Variants in ASIC2 observed in about 807,000 individuals in gnomAD.
ASIC2 encodes acid-sensing ion channel 2.
ASIC2 carries 25 observed loss-of-function variants against 57.3 expected under a neutral mutation model. The ratio of observed to expected loss-of-function variants is 0.44; its 90% CI spans 0.32 to 0.61. The LOEUF (loss-of-function observed/expected upper bound fraction) is 0.61. ASIC2 is among the 20% of genes least tolerant of loss of function. The pLI, the probability that ASIC2 is intolerant of heterozygous loss-of-function variation, is 0.06. For synonymous variants in ASIC2, 319 were observed against 307.5 expected (o/e 1.04, Z -0.39); for missense variants, 641 against 738.1 (o/e 0.87, Z 1.52).
chr17:34,094,702 C>CA (rs1203154621), intron 1 of ASIC2, among the ~76,000 whole-genome samples: 1 of 152,212 alleles, frequency 6.6e-6, no homozygotes, highest in Admixed American at 6.5e-5. Context: ...GCCCATCTCA[C>CA]AGGAATTTCT....
intron 1 of ASIC2, among the ~76,000 whole-genome samples, chr17:33,227,707 A>G (rs556546112): frequency 6.6e-6 from 1 of 152,300 alleles, no homozygotes; most frequent in East Asian, 1.9e-4. Flanking sequence ...ACCTCATAGA[A>G]GCCACATAAA....
chr17:33,200,650 T>C (rs1452314411), intron 1 of ASIC2, among the ~76,000 whole-genome samples: 1 of 152,228 alleles, frequency 6.6e-6, no homozygotes, highest in Non-Finnish European at 1.5e-5. Context: ...AGATTCAGAA[T>C]ATGGCCCCTT....
chr17:33,226,556 C>A (rs1907887383), intron 1 of ASIC2, among the ~76,000 whole-genome samples: 1 of 152,164 alleles, frequency 6.6e-6, no homozygotes, highest in Non-Finnish European at 1.5e-5. Context: ...TTCTTGACCC[C>A]CCAGTCACTC....
chr17:34,085,588 G>A (rs1489324529), intron 1 of ASIC2, among the ~76,000 whole-genome samples: 2 of 152,110 alleles, frequency 1.3e-5, no homozygotes, highest in Non-Finnish European at 2.9e-5. Flanking sequence ...TTTTTCTATT[G>A]ATTGGAATAG....
At chr17:33,752,582 A>T (rs964674362) in intron 1 of ASIC2, among the ~76,000 whole-genome samples, 1 of 152,264 alleles carries the variant, frequency 6.6e-6, no homozygotes, top group Non-Finnish European at 1.5e-5. Flanking sequence ...CGAAGAAAAG[A>T]TATATGTATT....
intron 1 of ASIC2, among the ~76,000 whole-genome samples, chr17:33,513,773 C>T (rs1344311507): frequency 1.3e-5 from 2 of 152,242 alleles, no homozygotes; most frequent in African/African-American, 4.8e-5. Flanking sequence ...CACTTGGCTC[C>T]TGTCCTTGCC....
At chr17:33,616,382 A>G (rs1479791640) in intron 1 of ASIC2, among the ~76,000 whole-genome samples, 1 of 152,224 alleles carries the variant, frequency 6.6e-6, no homozygotes, top group Non-Finnish European at 1.5e-5. Flanking sequence ...TATACGATAT[A>G]TGCATTCGTG....
intron 1 of ASIC2, among the ~76,000 whole-genome samples, chr17:33,369,387 AG>A (rs1371880061): frequency 6.6e-6 from 1 of 152,212 alleles, no homozygotes; most frequent in African/African-American, 2.4e-5. Context: ...GACAATGTCA[AG>A]TCCTTGCTCT....
rs1015323575 is a variant in ASIC2 at position 34,039,565 on chromosome 17, C to T, written c.555+116413G>A. 4.3e-6 allele frequency: 7 copies of T among 1,613,836 alleles called. No individual in the cohort carries two copies. The East Asian group carries it at 1.6e-4, about 36-fold the overall frequency. ...TGAGGATCGTGCAACTGGTGGAACA[C>T]TTCTGCCAGGGCTGGTTCCCGGCCC... On this transcript the variant is annotated intron_variant, in intron 1 of 9. Transcript: ENST00000359872.
chr17:33,237,504 C>T (rs758762084), intron 1 of ASIC2, among the ~76,000 whole-genome samples: 2 of 152,154 alleles, frequency 1.3e-5, no homozygotes, highest in Non-Finnish European at 2.9e-5. Context: ...GCATACACCA[C>T]AACACTCAGG....
chr17:33,752,734 TACA>T (rs1216383710), intron 1 of ASIC2, among the ~76,000 whole-genome samples: 1 of 152,142 alleles, frequency 6.6e-6, no homozygotes, highest in Non-Finnish European at 1.5e-5. Flanking sequence ...AACTGCAACT[TACA>T]ACAAGAGTGA....
intron 1 of ASIC2, among the ~76,000 whole-genome samples, chr17:33,789,457 A>C (rs1597876833): frequency 8.8e-6 from 1 of 113,252 alleles, no homozygotes; most frequent in Non-Finnish European, 1.9e-5. Flanking sequence ...TTAGCAGAGA[A>C]TCATGGTCAC....
At chr17:33,213,598 G>A (rs1481955876) in intron 1 of ASIC2, among the ~76,000 whole-genome samples, 1 of 152,184 alleles carries the variant, frequency 6.6e-6, no homozygotes, top group Admixed American at 6.5e-5. Flanking sequence ...TGTTACCATC[G>A]TCCTGCGGTC....
intron 1 of ASIC2, among the ~76,000 whole-genome samples, chr17:33,318,359 C>A (rs1444473010): frequency 6.6e-6 from 1 of 152,112 alleles, no homozygotes; most frequent in African/African-American, 2.4e-5. Flanking sequence ...CCTGTCTTAC[C>A]ATGGAACTGA....
chr17:33,026,203 G>A (rs1038968469), intron 4 of ASIC2, among the ~76,000 whole-genome samples: 2 of 152,182 alleles, frequency 1.3e-5, no homozygotes, highest in African/African-American at 2.4e-5. Flanking sequence ...TGTTCACCTC[G>A]TTGAGCAGGA....
At chr17:33,970,825 T>G (rs1395243631) in intron 1 of ASIC2, among the ~76,000 whole-genome samples, 2 of 151,862 alleles carry the variant, frequency 1.3e-5, no homozygotes, top group Non-Finnish European at 2.9e-5. Context: ...TGGTGAAAGG[T>G]GGGGGTGAAG....
At chr17:33,186,318 C>G (rs1398582517) in intron 1 of ASIC2, among the ~76,000 whole-genome samples, 1 of 152,082 alleles carries the variant, frequency 6.6e-6, no homozygotes, top group Non-Finnish European at 1.5e-5. Context: ...ACCATGTTGT[C>G]CAGGCTGGTC....
At chr17:33,914,123 C>T (rs1009195097) in intron 1 of ASIC2, among the ~76,000 whole-genome samples, 1 of 152,100 alleles carries the variant, frequency 6.6e-6, no homozygotes, top group Admixed American at 6.5e-5. Flanking sequence ...CTGAGCTGGC[C>T]ACAACATTGC....
chr17:33,991,580 A>C (rs1434664308), intron 1 of ASIC2, among the ~76,000 whole-genome samples: 1 of 152,148 alleles, frequency 6.6e-6, no homozygotes, highest in East Asian at 1.9e-4. Context: ...AGCTAACCAC[A>C]TGGTCTGGCC....
Sources: allele counts gnomAD v4.1 joint callset (sites outside exome capture counted in the v4.1 genomes callset), GRCh38; gene constraint gnomAD v4.1.1; transcripts MANE v1.5; gene names NCBI Gene and HGNC (gene_info 2026-07-23, HGNC 2026-07-21).